STARD13: variants seen among roughly 807,000 people sequenced by gnomAD.
The protein encoded by STARD13 is stAR-related lipid transfer protein 13.
Under a neutral mutation model 106.4 loss-of-function variants are expected in STARD13, and 62 were observed. That is an observed-to-expected ratio of 0.58 (90% confidence interval 0.48 to 0.72). STARD13 has a LOEUF of 0.72. STARD13 is among the 30% of genes least tolerant of loss of function. The probability of loss-of-function intolerance (pLI) is 0.00; values close to 1 mark genes in which losing one functional copy is unlikely to be tolerated. For missense variants in STARD13, 1,387 were observed against 1,424.0 expected, an observed-to-expected ratio of 0.97 and a Z score of 0.42; for synonymous variants, 565 against 553.0, an observed-to-expected ratio of 1.02 and a Z score of -0.31.
the STARD13 span, among the ~76,000 whole-genome samples, chr13:33,616,874 G>A: frequency 1.3e-5 from 2 of 152,224 alleles, no homozygotes; most frequent in East Asian, 1.9e-4. Flanking sequence ...AGGACAGGTC[G>A]GGAAAAGTTT....
chr13:33,319,297 G>C lies in STARD13; in HGVS notation c.124+30993C>G, dbSNP rs78889098. Reference sequence around the variant, plus strand: ...AAGTGAAAGATGCCAGACACCAAAGGCCACCTATTTTATGATTCTATGTAT... The same window carrying C: ...AAGTGAAAGATGCCAGACACCAAAGCCCACCTATTTTATGATTCTATGTAT... On this transcript the variant is annotated intron_variant, in intron 1 of 5. Transcript: ENST00000567873. 4.9e-3 allele frequency among the ~76,000 whole-genome samples: 747 copies of C among 152,228 alleles called. 7 individuals are homozygous for C. The highest frequency in any genetic ancestry group is 0.017 in the African/African-American group (701 of 41,542).
the STARD13 span, among the ~76,000 whole-genome samples, chr13:33,637,182 A>G: frequency 6.6e-6 from 1 of 152,214 alleles, no homozygotes; most frequent in African/African-American, 2.4e-5. Flanking sequence ...GAGAGAAGGT[A>G]AATGACTAAT....
chr13:33,196,165 A>G, intron 1 of STARD13, among the ~76,000 whole-genome samples: 1 of 152,206 alleles, frequency 6.6e-6, no homozygotes, highest in Non-Finnish European at 1.5e-5. Context: ...TGGGTGGATC[A>G]TTTGAGGTCA....
the STARD13 span, among the ~76,000 whole-genome samples, chr13:33,669,661 G>A: frequency 8.1e-5 from 12 of 148,738 alleles, no homozygotes; most frequent in Non-Finnish European, 1.6e-4. Flanking sequence ...TCAGCCTCCC[G>A]AGTAGCTGGG....
At chr13:33,240,713 T>C (rs1290761659) in intron 1 of STARD13, among the ~76,000 whole-genome samples, 1 of 142,294 alleles carries the variant, frequency 7.0e-6, no homozygotes, top group Non-Finnish European at 1.6e-5. Flanking sequence ...TTAAGGATCC[T>C]TAAGTTTATC....
chr13:33,499,604 T>TTTC, the STARD13 span, among the ~76,000 whole-genome samples: 658 of 39,642 alleles, frequency 0.017, 93 homozygotes, highest in Middle Eastern at 0.047. Context: ...CTTCTTCTTC[T>TTTC]TTCTTCTTCT....
chr13:33,443,457 C>A, the STARD13 span, among the ~76,000 whole-genome samples: 24 of 39,072 alleles, frequency 6.1e-4, no homozygotes, highest in Non-Finnish European at 8.8e-4. Context: ...GGGTCCCCCC[C>A]CCAAAAAAAA....
chr13:33,602,663 G>A, the STARD13 span, among the ~76,000 whole-genome samples: 2 of 152,198 alleles, frequency 1.3e-5, no homozygotes. Context: ...TCTGTGGCCT[G>A]TTAGGAACTA....
chr13:33,198,973 C>T (rs17695516), intron 1 of STARD13, among the ~76,000 whole-genome samples: 5 of 152,150 alleles, frequency 3.3e-5, no homozygotes, highest in African/African-American at 7.2e-5. Context: ...TTCCAATCGC[C>T]TTTCCCAATG....
chr13:33,599,247 A>T, the STARD13 span, among the ~76,000 whole-genome samples: 1 of 151,958 alleles, frequency 6.6e-6, no homozygotes, highest in Non-Finnish European at 1.5e-5. Context: ...TGTTCCAGGA[A>T]CTCCCTTTGC....
At chr13:33,123,615 G>A (rs1410201274) in intron 7 of STARD13, among the ~76,000 whole-genome samples, 2 of 152,216 alleles carry the variant, frequency 1.3e-5, no homozygotes, top group African/African-American at 4.8e-5. Context: ...TACTATGTCT[G>A]AATACAAATG....
At chr13:33,676,557 A>G in the STARD13 span, 1 of 152,170 alleles carries the variant, frequency 6.6e-6, no homozygotes, top group Non-Finnish European at 1.5e-5. Flanking sequence ...TGTTATTCCT[A>G]AAGGCAGGAG....
chr13:33,126,562 C>T (rs1401480332), intron 6 of STARD13, among the ~76,000 whole-genome samples: 1 of 152,000 alleles, frequency 6.6e-6, no homozygotes, highest in African/African-American at 2.4e-5. Flanking sequence ...AAGTCCCCAA[C>T]AAAACAAAAC....
intron 1 of STARD13, among the ~76,000 whole-genome samples, chr13:33,276,988 T>A (rs1017417669): frequency 2.0e-5 from 3 of 152,076 alleles, no homozygotes; most frequent in African/African-American, 7.3e-5. Flanking sequence ...TAGCATTTTC[T>A]GTAATTTTGA....
chr13:33,128,989 G>C lies in STARD13; in HGVS notation c.1688C>G (p.Pro563Arg). Residue 563 changes from proline (P) to arginine (R), a missense_variant, in exon 5 of 14, where the codon CCT (proline) becomes CGT (arginine). Pro to Arg is a moderately radical substitution (Grantham distance 103). Coordinates refer to ENST00000336934, the MANE Select transcript of STARD13 (RefSeq NM_178006.4). ...RDVTSLNESE[P>R]PGVRDRRDSG... is the part of the protein sequence containing the mutation. The stretch of plus-strand genomic sequence containing the variant: ...ATCCCTCCTGTCTCTGACCCCAGGA[G>C]GCTCAGATTCATTAAGAGATGTTAC... 2 of 1,614,096 alleles carry C rather than the reference G, an allele frequency of 1.2e-6. No homozygotes were observed. Among genetic ancestry groups the C allele is most frequent in the South Asian group, 2.2e-5 (2 of 91,034 alleles).
chr13:33,190,794 C>T (rs146784585), intron 1 of STARD13, among the ~76,000 whole-genome samples: 10 of 152,178 alleles, frequency 6.6e-5, no homozygotes, highest in African/African-American at 2.2e-4. Context: ...CCATGTTGGC[C>T]AGGCTAGTCT....
intron 1 of STARD13, among the ~76,000 whole-genome samples, chr13:33,217,090 C>T (rs895085098): frequency 5.3e-5 from 8 of 152,110 alleles, no homozygotes; most frequent in African/African-American, 1.2e-4. Context: ...ATATGTAAGT[C>T]CCCCCAATAA....
the STARD13 span, among the ~76,000 whole-genome samples, chr13:33,499,559 T>C: frequency 3.3e-5 from 2 of 61,192 alleles, no homozygotes; most frequent in South Asian, 1.3e-3. Context: ...CTTCTTCTTC[T>C]TCTTCTTCTT....
intron 1 of STARD13, among the ~76,000 whole-genome samples, chr13:33,240,408 T>C (rs1397569952): frequency 6.6e-6 from 1 of 152,190 alleles, no homozygotes; most frequent in African/African-American, 2.4e-5. Flanking sequence ...TTTTTCTACT[T>C]CTGCAAAATA....
Sources: allele counts gnomAD v4.1 joint callset (sites outside exome capture counted in the v4.1 genomes callset), GRCh38; gene constraint gnomAD v4.1.1; transcripts MANE v1.5; gene names NCBI Gene and HGNC (gene_info 2026-07-23, HGNC 2026-07-21).